The following ZNF624 variants were observed in gnomAD, a reference collection of about 807,000 sequenced individuals.
ZNF624 encodes zinc finger protein 624.
ZNF624 carries 43 observed loss-of-function variants against 74.7 expected under a neutral mutation model. The ratio of observed to expected loss-of-function variants is 0.58; its 90% confidence interval spans 0.45 to 0.74. The LOEUF is 0.74. ZNF624 is among the 30% of genes least tolerant of loss of function. The pLI is 0.00. For synonymous variants in ZNF624, 331 were observed against 341.3 expected (o/e 0.97, Z 0.33); for missense variants, 820 against 1,030.0 (o/e 0.80, Z 2.79).
chr17:16,619,715 C>T (rs1254501013), downstream of ZNF624, among the ~76,000 whole-genome samples: 1 of 152,216 alleles, frequency 6.6e-6, no homozygotes, highest in Non-Finnish European at 1.5e-5. Context: ...TGGGTCATCC[C>T]CAACCCCTTC....
intron 2 of ZNF624, 127 bp downstream of exon 2, chr17:16,649,531 C>T: frequency 1.3e-6 from 1 of 768,388 alleles, no homozygotes; most frequent in Admixed American, 2.2e-5. Context: ...ACCCAATTTT[C>T]ATGGGTCTAT....
intron 5 of ZNF624, among the ~76,000 whole-genome samples, 178 bp downstream of exon 5, chr17:16,633,684 A>G (rs1002720233): frequency 6.6e-6 from 1 of 152,160 alleles, no homozygotes; most frequent in African/African-American, 2.4e-5. Context: ...TGGAGGACAG[A>G]GAGAGAGGGA....
the ZNF624 span, among the ~76,000 whole-genome samples, chr17:16,614,417 T>A: frequency 6.6e-6 from 1 of 152,184 alleles, no homozygotes; most frequent in African/African-American, 2.4e-5. Flanking sequence ...TTAAAACCAG[T>A]AATTAGATAT....
chr17:16,629,875 A>C (rs957987922), intron 5 of ZNF624, among the ~76,000 whole-genome samples: 20 of 152,164 alleles, frequency 1.3e-4, no homozygotes, highest in Non-Finnish European at 2.1e-4. Context: ...TTTTACATTT[A>C]AAATGGTTGA....
At chr17:16,636,641 T>C (rs532539531) in intron 3 of ZNF624, among the ~76,000 whole-genome samples, 6 of 152,054 alleles carry the variant, frequency 3.9e-5, no homozygotes, top group Non-Finnish European at 5.9e-5. Context: ...TCGAGACCAT[T>C]CTGGCTAACA....
chr17:16,628,514 A>C (rs1251557706), intron 5 of ZNF624, among the ~76,000 whole-genome samples: 1 of 152,200 alleles, frequency 6.6e-6, no homozygotes, highest in Non-Finnish European at 1.5e-5. Context: ...AACTTAACTC[A>C]AACTATGGGC....
chr17:16,640,959 C>A (rs1246034760), intron 3 of ZNF624, among the ~76,000 whole-genome samples: 1 of 152,156 alleles, frequency 6.6e-6, no homozygotes, highest in African/African-American at 2.4e-5. Flanking sequence ...AAAATACTAA[C>A]AAAGTGGATT....
chr17:16,624,681 G>T (rs1434204389), intron 5 of ZNF624, 172 bp from the exon 6 acceptor site: 4 of 587,724 alleles, frequency 6.8e-6, no homozygotes, highest in Admixed American at 7.5e-5. Context: ...GGCTGGTTTA[G>T]CAAAAACTAA....
intron 5 of ZNF624, chr17:16,624,851 T>TAA (rs1909027237): frequency 5.4e-5 from 1 of 18,670 alleles, no homozygotes; most frequent in Admixed American, 7.2e-4. Context: ...ACCCTGTCTC[T>TAA]ACAAAAAAAA....
At chr17:16,620,097 T>C (rs1006092175), downstream of ZNF624, among the ~76,000 whole-genome samples, 5 of 152,240 alleles carry the variant, frequency 3.3e-5, no homozygotes, top group African/African-American at 1.2e-4. Flanking sequence ...TTCCCAATGT[T>C]AAATACATAT....
At chr17:16,653,572 G>C (rs1189497665) in intron 1 of ZNF624, 192 bp downstream of exon 1, 1 of 152,538 alleles carries the variant, frequency 6.6e-6, no homozygotes, top group Non-Finnish European at 1.5e-5. Context: ...CCCTACCTGT[G>C]AGGGAGGCCA....
At position 16,649,736 on chromosome 17, in the gene ZNF624, C is replaced by T. The variant is rs756027306; in HGVS notation, c.9G>A (p.Leu3=). 2 of 1,613,266 alleles carry T rather than the reference C, an allele frequency of 1.2e-6. No homozygotes were observed. Among genetic ancestry groups the T allele is most frequent in the Non-Finnish European group, 1.7e-6 (2 of 1,179,418 alleles). Residue 3 remains leucine, a synonymous_variant, in exon 2 of 6, where the codon TTG becomes TTA. Coordinates refer to ENST00000311331, the MANE Select transcript of ZNF624 (RefSeq NM_020787.4). ...CCTCTCTGGAAAGAGTGGAGTCTTG[C>T]AAAGACATACCTAAGGAAGAGAAAT... is the stretch of plus-strand genomic sequence containing the variant. MS[L]QDSTLSREGK...
downstream of ZNF624, chr17:16,617,296 G>A (rs62072856): frequency 0.064 from 102,773 of 1,613,590 alleles, 3,619 homozygotes; most frequent in Middle Eastern, 0.087. Flanking sequence ...TCGAGACCTG[G>A]ATCTGCTTCC....
intron 5 of ZNF624, among the ~76,000 whole-genome samples, chr17:16,629,247 T>A (rs956564986): frequency 6.8e-6 from 1 of 146,850 alleles, no homozygotes; most frequent in African/African-American, 2.5e-5. Context: ...TTTTTTTTTT[T>A]AAACAGTGTC....
At chr17:16,628,125 TG>T (rs1471163319) in intron 5 of ZNF624, among the ~76,000 whole-genome samples, 2 of 152,048 alleles carry the variant, frequency 1.3e-5, no homozygotes, top group African/African-American at 4.8e-5. Flanking sequence ...TGGCCAGGCA[TG>T]GTGGTGCATG....
chr17:16,622,525 C>G lies in ZNF624; in HGVS notation c.2361G>C (p.Lys787Asn). The change falls in exon 6 of 6, where the codon AAG (lysine) becomes AAC (asparagine). Residue 787 changes from lysine to asparagine, a missense_variant. By Grantham distance (94) the Lys-to-Asn change is moderately conservative. Coordinates refer to ENST00000311331, the MANE Select transcript of ZNF624 (RefSeq NM_020787.4). ...EKPYTCKECG[K>N]GCITLSQLTL... ...TTAGCTGTGATAGAGTAATACAACCCTTTCCACATTCCTTACAGGTGTAGG... is the reference window on the plus strand; with the variant it reads ...TTAGCTGTGATAGAGTAATACAACCGTTTCCACATTCCTTACAGGTGTAGG... 1 of 1,613,856 alleles carries G rather than the reference C, an allele frequency of 6.2e-7. No homozygotes were observed. Among genetic ancestry groups the G allele is most frequent in the South Asian group, 1.1e-5 (1 of 91,062 alleles).
chr17:16,650,905 T>G (rs1194197365), intron 1 of ZNF624, among the ~76,000 whole-genome samples: 2 of 152,146 alleles, frequency 1.3e-5, no homozygotes, highest in African/African-American at 2.4e-5. Context: ...ATAGCAGAAC[T>G]TAATCTAACC....
chr17:16,633,078 T>G (rs1203846265), intron 5 of ZNF624, among the ~76,000 whole-genome samples: 2 of 152,204 alleles, frequency 1.3e-5, no homozygotes, highest in Non-Finnish European at 2.9e-5. Context: ...CTGACCACCC[T>G]GTTTGAAGCA....
intron 2 of ZNF624, 118 bp downstream of exon 2, chr17:16,649,540 A>G: frequency 3.5e-6 from 3 of 851,844 alleles, no homozygotes; most frequent in Non-Finnish European, 3.9e-6. Context: ...TCATGGGTCT[A>G]TTTAGTTGAG....
Sources: gnomAD v4.1 joint callset for allele counts (sites outside exome capture counted in the v4.1 genomes callset) on GRCh38, gnomAD v4.1.1 for gene constraint, MANE v1.5 for transcripts, NCBI Gene and HGNC (gene_info 2026-07-23, HGNC 2026-07-21) for gene names.